Variants in TET3 observed in about 807,000 individuals in gnomAD.
The protein encoded by TET3 is tet methylcytosine dioxygenase 3, also known as methylcytosine dioxygenase TET3.
TET3 carries 19 observed loss-of-function variants against 141.4 expected under a neutral mutation model. The ratio of observed to expected loss-of-function variants is 0.13; its 90% CI spans 0.09 to 0.20. The LOEUF is 0.20. TET3 is among the 10% of genes least tolerant of loss of function. TET3 has a pLI of 1.00. For synonymous variants in TET3, 1,043 were observed against 980.9 expected, an observed-to-expected ratio of 1.06 and a Z score of -1.18; for missense variants, 1,874 against 2,356.9, an observed-to-expected ratio of 0.80 and a Z score of 4.24.
intron 5 of TET3, among the ~76,000 whole-genome samples, chr2:74,076,419 C>T (rs890634871): frequency 2.1e-5 from 3 of 139,834 alleles, no homozygotes; most frequent in East Asian, 2.1e-4. Flanking sequence ...CCCATAGAAC[C>T]TATTCAGGTT....
intron 3 of TET3, among the ~76,000 whole-genome samples, chr2:74,019,871 C>A (rs79308247): frequency 6.6e-6 from 1 of 152,204 alleles, no homozygotes. Context: ...CCCACAGCCC[C>A]CTTGTTGTTA....
chr2:74,079,007 A>G (rs949796581), intron 5 of TET3, among the ~76,000 whole-genome samples: 6 of 152,228 alleles, frequency 3.9e-5, no homozygotes, highest in African/African-American at 1.4e-4. Context: ...TGTTGGAAAC[A>G]TTTTCAGTAA....
chr2:74,001,856 G>A (rs1386441315), intron 2 of TET3, among the ~76,000 whole-genome samples: 3 of 152,158 alleles, frequency 2.0e-5, no homozygotes, highest in Non-Finnish European at 2.9e-5. Flanking sequence ...TGAGGTCTGG[G>A]GACCCTTGGG....
rs999560133 is a variant in TET3 at position 74,107,672 on chromosome 2, A to G, written c.*5496A>G. 2.6e-5 allele frequency: 4 copies of G among 152,194 alleles called. No homozygotes were observed. Among genetic ancestry groups the G allele is most frequent in the South Asian group, 4.1e-4 (2 of 4,822 alleles). The allele number at this position is 152,194 out of a possible 1,614,324, so 9.4% of individuals were successfully genotyped here. On this transcript the variant is annotated 3_prime_UTR_variant, in exon 12 of 12. Transcript: ENST00000409262. ...AATCTAGAACCCCTGTAGCTTTTTG[A>G]TGTGTTTTATTTCTTATCTCTTTGA...
At chr2:74,134,816 A>G in the TET3 span, 2 of 451,628 alleles carry the variant, frequency 4.4e-6, no homozygotes, top group South Asian at 3.1e-5. Flanking sequence ...AGCTTATAGT[A>G]CTCAATCAGC....
chr2:74,071,072 T>C (rs767915573), intron 4 of TET3, among the ~76,000 whole-genome samples: 8 of 152,136 alleles, frequency 5.3e-5, no homozygotes, highest in Non-Finnish European at 7.4e-5. Flanking sequence ...CACCAGCAGA[T>C]CTGGTGTCTG....
chr2:74,096,768 CA>C (rs11363244), intron 10 of TET3, among the ~76,000 whole-genome samples: 70,796 of 140,850 alleles, frequency 0.5, 19,334 homozygotes, highest in Middle Eastern at 0.61. Flanking sequence ...AACTCTGTCT[CA>C]AAAAAAAAAA....
intron 2 of TET3, among the ~76,000 whole-genome samples, chr2:74,001,069 T>C (rs1684826538): frequency 1.3e-5 from 2 of 152,106 alleles, no homozygotes; most frequent in Admixed American, 1.3e-4. Context: ...CAGAAACCCA[T>C]TGTTCCACCT....
intron 6 of TET3, among the ~76,000 whole-genome samples, chr2:74,083,515 G>A (rs937931513): frequency 6.6e-6 from 1 of 152,190 alleles, no homozygotes; most frequent in Admixed American, 6.5e-5. Context: ...AGGGAATTCT[G>A]CCTAGAAGCT....
intron 3 of TET3, among the ~76,000 whole-genome samples, chr2:74,004,918 A>G (rs775942389): frequency 6.6e-6 from 1 of 152,050 alleles, no homozygotes; most frequent in Non-Finnish European, 1.5e-5. Flanking sequence ...TCTGTCTCCC[A>G]GCCTGGGGAA....
At chr2:74,002,847 G>C in intron 2 of TET3, 1 of 572,208 alleles carries the variant, frequency 1.7e-6, no homozygotes, top group Non-Finnish European at 3.1e-6. Context: ...GCGGGCCGGG[G>C]GTCGCCGTCC....
chr2:74,110,080 A>C (rs959706852), downstream of TET3, among the ~76,000 whole-genome samples: 1 of 152,240 alleles, frequency 6.6e-6, no homozygotes, highest in South Asian at 2.1e-4. Flanking sequence ...GCAAGTAATA[A>C]GAGCTATCAT....
intron 10 of TET3, among the ~76,000 whole-genome samples, chr2:74,097,230 C>T (rs975209572): frequency 2.6e-5 from 4 of 150,998 alleles, no homozygotes; most frequent in African/African-American, 4.9e-5. Context: ...CACACACACA[C>T]ATACATTCAA....
intron 2 of TET3, among the ~76,000 whole-genome samples, chr2:73,992,437 C>A (rs753225084): frequency 1.3e-5 from 2 of 151,978 alleles, no homozygotes; most frequent in African/African-American, 2.4e-5. Context: ...CCTCAGCCTC[C>A]CGAGTAGCTG....
At chr2:74,120,038 A>G in the TET3 span, among the ~76,000 whole-genome samples, 2 of 152,200 alleles carry the variant, frequency 1.3e-5, no homozygotes, top group African/African-American at 2.4e-5. Flanking sequence ...AAGACGTACT[A>G]GTGGCCCCTG....
intron 3 of TET3, among the ~76,000 whole-genome samples, chr2:74,013,018 CAG>C (rs1452329701): frequency 1.4e-5 from 2 of 142,184 alleles, no homozygotes; most frequent in East Asian, 4.2e-4. Context: ...TTTTTTGAGA[CAG>C]AGTCTTGCTC....
chr2:74,110,364 G>T (rs1212156167), downstream of TET3, among the ~76,000 whole-genome samples: 2 of 152,178 alleles, frequency 1.3e-5, no homozygotes, highest in African/African-American at 4.8e-5. Context: ...CAACTTTGTT[G>T]TGTGTTCTGA....
At chr2:74,085,692 G>A (rs924636437) in intron 6 of TET3, among the ~76,000 whole-genome samples, 4 of 151,174 alleles carry the variant, frequency 2.6e-5, no homozygotes, top group African/African-American at 9.9e-5. Context: ...GAGCTCAGGC[G>A]GTAACGCCCG....
chr2:74,033,589 T>G (rs1248847725), intron 3 of TET3, among the ~76,000 whole-genome samples: 1 of 152,226 alleles, frequency 6.6e-6, no homozygotes, highest in Non-Finnish European at 1.5e-5. Context: ...TCTAAACCAC[T>G]GCAATAAAGT....
Sources: allele counts gnomAD v4.1 joint callset (sites outside exome capture counted in the v4.1 genomes callset), GRCh38; gene constraint gnomAD v4.1.1; transcripts MANE v1.5; gene names NCBI Gene and HGNC (gene_info 2026-07-23, HGNC 2026-07-21).